Variants in EYS observed in about 807,000 individuals in gnomAD.
EYS encodes protein eyes shut homolog.
A neutral mutation model predicts 282.1 loss-of-function variants in EYS; 250 were observed. The observed-to-expected ratio is 0.89, with a 90% CI of 0.80 to 0.98. The LOEUF (loss-of-function observed/expected upper bound fraction) is 0.98, where lower values mean the gene tolerates loss of function less well. EYS is among the 50% of genes least tolerant of loss of function. The pLI is 0.00. For synonymous variants in EYS, 1,355 were observed against 1,282.9 expected (o/e 1.06, Z -1.20); for missense variants, 4,016 against 3,709.0 (o/e 1.08, Z -2.15).
At chr6:64,718,943 A>G (rs1041888906) in intron 22 of EYS, among the ~76,000 whole-genome samples, 1 of 152,214 alleles carries the variant, frequency 6.6e-6, no homozygotes, top group African/African-American at 2.4e-5. Context: ...TTGGATATTC[A>G]AATAAAGAGT....
At chr6:65,350,923 G>T (rs964220503) in intron 9 of EYS, among the ~76,000 whole-genome samples, 1 of 151,312 alleles carries the variant, frequency 6.6e-6, no homozygotes, top group Admixed American at 6.6e-5. Context: ...TCTTCCTGCT[G>T]GTAAAATTAA....
At chr6:65,405,879 T>A (rs1450307030) in intron 5 of EYS, among the ~76,000 whole-genome samples, 2 of 152,110 alleles carry the variant, frequency 1.3e-5, no homozygotes, top group Non-Finnish European at 2.9e-5. Flanking sequence ...GAATCATGAA[T>A]TCATATACAA....
At chr6:64,867,237 T>TTTA (rs1766450900) in intron 19 of EYS, among the ~76,000 whole-genome samples, 1 of 115,876 alleles carries the variant, frequency 8.6e-6, no homozygotes, top group Admixed American at 9.0e-5. Context: ...TCATTTGTTT[T>TTTA]TATTTTAGTT....
rs66464915 is a variant in EYS at position 65,693,404 on chromosome 6, CTTT to C, written c.-448+13728_-448+13730del. Among the ~76,000 whole-genome samples, 150 of 125,278 alleles carry C rather than the reference CTTT, an allele frequency of 1.2e-3. 1 individual carries two copies. Among genetic ancestry groups the C allele is most frequent in the Middle Eastern group, 8.1e-3 (2 of 248 alleles). The allele number at this position is 125,278 out of a possible 152,430, so 82.2% of individuals were successfully genotyped here. A position where few individuals can be genotyped will look rare whatever the true frequency, so the allele number is the denominator to read the frequency against. On this transcript the variant is annotated intron_variant, in intron 1 of 42. Coordinates refer to ENST00000503581, the MANE Select transcript of EYS (RefSeq NM_001142800.2). ...AGCAAACAATCTTCTTTTTTCCTTT[CTTT>C]TTTTTTTTTTTTTTTTTAAGTCTTG...
At chr6:64,131,609 T>A (rs149521870) in intron 31 of EYS, among the ~76,000 whole-genome samples, 2 of 152,166 alleles carry the variant, frequency 1.3e-5, no homozygotes, top group African/African-American at 4.8e-5. Context: ...TTAGGAACTG[T>A]GAAAATAGTA....
At chr6:63,783,819 T>C (rs773802735) in intron 39 of EYS, among the ~76,000 whole-genome samples, 4 of 152,028 alleles carry the variant, frequency 2.6e-5, no homozygotes, top group Admixed American at 1.3e-4. Flanking sequence ...ATAGTGATAG[T>C]TGATTTTATG....
chr6:65,435,219 G>T (rs1285540045), intron 5 of EYS, among the ~76,000 whole-genome samples: 1 of 151,896 alleles, frequency 6.6e-6, no homozygotes, highest in African/African-American at 2.4e-5. Context: ...ATAATTAAAT[G>T]TTGACCTTGT....
At chr6:65,026,895 C>A (rs62407164) in intron 13 of EYS, among the ~76,000 whole-genome samples, 1 of 135,242 alleles carries the variant, frequency 7.4e-6, no homozygotes, top group Non-Finnish European at 1.7e-5. Context: ...CCAGCCTGGG[C>A]GACAGAGTGA....
chr6:65,371,656 C>T (rs1443139114), intron 8 of EYS, among the ~76,000 whole-genome samples: 1 of 151,268 alleles, frequency 6.6e-6, no homozygotes, highest in East Asian at 2.0e-4. Flanking sequence ...ACCTGCTTTC[C>T]TCTCTGCAAA....
At chr6:65,640,928 C>G (rs759806952) in intron 1 of EYS, among the ~76,000 whole-genome samples, 5 of 151,920 alleles carry the variant, frequency 3.3e-5, no homozygotes, top group Admixed American at 6.6e-5. Flanking sequence ...TATCTGTGCC[C>G]TATTTCTTTT....
intron 36 of EYS, among the ~76,000 whole-genome samples, chr6:63,854,975 T>A (rs1445405956): frequency 6.6e-6 from 1 of 152,332 alleles, no homozygotes; most frequent in African/African-American, 2.4e-5. Flanking sequence ...GAATTAATAT[T>A]TTCTTCCAAT....
chr6:64,817,670 T>C (rs1051914686), intron 21 of EYS, among the ~76,000 whole-genome samples: 1 of 152,154 alleles, frequency 6.6e-6, no homozygotes, highest in African/African-American at 2.4e-5. Flanking sequence ...GTGTTGAATG[T>C]TTAGCTGTCA....
intron 33 of EYS, among the ~76,000 whole-genome samples, chr6:64,064,739 C>T (rs1771306146): frequency 6.6e-6 from 1 of 151,976 alleles, no homozygotes; most frequent in Non-Finnish European, 1.5e-5. Context: ...GAATTTAACC[C>T]CCGAATAGCA....
intron 22 of EYS, among the ~76,000 whole-genome samples, chr6:64,714,151 T>C (rs890538730): frequency 2.6e-5 from 4 of 152,212 alleles, no homozygotes; most frequent in Non-Finnish European, 5.9e-5. Context: ...TGGAAAGACT[T>C]GGAAAGATTC....
chr6:65,347,069 T>C (rs1236073574), intron 9 of EYS, among the ~76,000 whole-genome samples: 1 of 151,854 alleles, frequency 6.6e-6, no homozygotes, highest in African/African-American at 2.4e-5. Context: ...GGTCAAATGG[T>C]ATAGAATTTG....
chr6:64,750,230 GTAC>G (rs1772699565), intron 22 of EYS, among the ~76,000 whole-genome samples: 1 of 151,928 alleles, frequency 6.6e-6, no homozygotes, highest in African/African-American at 2.4e-5. Context: ...AGCAAAAGAA[GTAC>G]TTTAGGTCAG....
At chr6:64,581,645 T>C (rs1766072224) in intron 26 of EYS, among the ~76,000 whole-genome samples, 1 of 152,160 alleles carries the variant, frequency 6.6e-6, no homozygotes, top group Non-Finnish European at 1.5e-5. Context: ...CATACGTGCA[T>C]GTTATTCTTA....
At chr6:63,823,771 T>G (rs1771385161) in intron 36 of EYS, among the ~76,000 whole-genome samples, 1 of 152,204 alleles carries the variant, frequency 6.6e-6, no homozygotes, top group Non-Finnish European at 1.5e-5. Context: ...TATATTTTTA[T>G]CTTTTGTCTT....
intron 35 of EYS, among the ~76,000 whole-genome samples, chr6:63,916,377 T>G (rs1385200677): frequency 6.6e-6 from 1 of 152,250 alleles, no homozygotes; most frequent in East Asian, 1.9e-4. Flanking sequence ...TTGCCTTAAC[T>G]GTTATTGTCT....
Sources: allele counts gnomAD v4.1 joint callset (sites outside exome capture counted in the v4.1 genomes callset), GRCh38; gene constraint gnomAD v4.1.1; transcripts MANE v1.5; gene names NCBI Gene and HGNC (gene_info 2026-07-23, HGNC 2026-07-21).